CHEK2: variants seen among roughly 807,000 people sequenced by gnomAD.
CHEK2 encodes the protein serine/threonine-protein kinase Chk2.
In CHEK2, 71 loss-of-function variants were observed where a neutral mutation model predicts 69.1. The observed-to-expected ratio is 1.03, with a 90% CI of 0.85 to 1.25. The LOEUF (loss-of-function observed/expected upper bound fraction) is 1.25, where lower values mean the gene tolerates loss of function less well. Ranked by LOEUF, CHEK2 falls within the 50% of genes most tolerant of loss-of-function variation. The pLI is 0.00. For missense variants in CHEK2, 664 were observed against 649.6 expected (o/e 1.02, Z -0.24); for synonymous variants, 189 against 226.9 (o/e 0.83, Z 1.50).
chr22:28,715,349 C>G (rs977945205), intron 5 of CHEK2, among the ~76,000 whole-genome samples: 4 of 152,080 alleles, frequency 2.6e-5, no homozygotes, highest in African/African-American at 9.7e-5. Flanking sequence ...CTAATGACCT[C>G]CTAGATCCAG....
At chr22:28,692,603 G>A (rs911283864) in intron 13 of CHEK2, among the ~76,000 whole-genome samples, 2 of 152,170 alleles carry the variant, frequency 1.3e-5, no homozygotes, top group African/African-American at 4.8e-5. Flanking sequence ...AGTACGGGTC[G>A]GAGGCTGGAC....
At chr22:28,727,811 T>G (rs534911395) in intron 2 of CHEK2, among the ~76,000 whole-genome samples, 3 of 152,220 alleles carry the variant, frequency 2.0e-5, no homozygotes, top group Non-Finnish European at 2.9e-5. Context: ...TAAGATTTCA[T>G]GTTTTACCTA....
At chr22:28,738,878 G>GA in intron 1 of CHEK2, among the ~76,000 whole-genome samples, 1 of 152,222 alleles carries the variant, frequency 6.6e-6, no homozygotes, top group South Asian at 2.1e-4. Context: ...CACAGAATGG[G>GA]AAAAAACATT....
In CHEK2 at chr22:28,707,948, T is replaced by C. The variant is rs1285448155; in HGVS notation, c.846+2058A>G. Among the ~76,000 whole-genome samples the C allele has an allele frequency of 2.0e-5, 3 of 148,050 alleles. No homozygotes were observed. In the East Asian group the frequency reaches 6.4e-4, roughly 31 times the overall value. ...GCCTCCCGGGTTCACGCCATTCTCC[T>C]GCCTCAGCCTCTCCAGTAGCTGGGA... On this transcript the variant is annotated intron_variant, in intron 7 of 14. Transcript: ENST00000404276.
At chr22:28,713,986 A>G (rs940053310) in intron 5 of CHEK2, among the ~76,000 whole-genome samples, 2 of 152,194 alleles carry the variant, frequency 1.3e-5, no homozygotes, top group Non-Finnish European at 2.9e-5. Flanking sequence ...CAGCCTGGAC[A>G]CTTGTTTTTT....
At chr22:28,736,413 T>G (rs981865754) in intron 1 of CHEK2, among the ~76,000 whole-genome samples, 1 of 152,166 alleles carries the variant, frequency 6.6e-6, no homozygotes, top group Admixed American at 6.6e-5. Flanking sequence ...TCAATCTATA[T>G]TCCCTGACAC....
At chr22:28,729,260 G>A in intron 2 of CHEK2, 1 of 268,146 alleles carries the variant, frequency 3.7e-6, no homozygotes, top group Non-Finnish European at 7.5e-6. Flanking sequence ...ATTAACCCAG[G>A]ACGCCAGGCG....
At chr22:28,699,207 T>C (rs1214702395) in intron 9 of CHEK2, among the ~76,000 whole-genome samples, 3 of 152,094 alleles carry the variant, frequency 2.0e-5, no homozygotes, top group African/African-American at 7.2e-5. Context: ...CCCATTATAT[T>C]GCCCAGGCTG....
Position 28,734,414 on chromosome 22 carries a change from A to G in CHEK2, c.308T>C (p.Phe103Ser), listed in dbSNP as rs876658140. 6.2e-7 allele frequency: 1 copy of G among 1,614,012 alleles called. No homozygotes were observed. The highest frequency in any genetic ancestry group is 1.7e-5 in the Admixed American group (1 of 60,014). The stretch of plus-strand genomic sequence containing the variant: ...ACAAAGGGTCTTACCAAGATTGGCA[A>G]ATCCATCCTGAAGGGCCCATAATCG... ...WARLWALQDG[F>S]ANLECVNDNY... is the part of the protein sequence containing the mutation. Residue 103 changes from phenylalanine to serine, a missense_variant, in exon 2 of 15, where the codon TTT becomes TCT. Physicochemically the swap from Phe to Ser is radical, Grantham distance 155. Coordinates refer to ENST00000404276, the MANE Select transcript of CHEK2 (RefSeq NM_007194.4).
chr22:28,737,177 G>T, intron 1 of CHEK2: 1 of 392,672 alleles, frequency 2.5e-6, no homozygotes, highest in Non-Finnish European at 5.2e-6. Flanking sequence ...CTGAAACCTC[G>T]CATAGTACAG....
chr22:28,703,492 G>T lies in CHEK2; in HGVS notation c.908+13C>A. The T allele has an allele frequency of 1.5e-6, 2 of 1,295,264 alleles. No homozygotes were observed. The highest frequency in any genetic ancestry group is 1.2e-5 in the South Asian group (1 of 80,290). The allele number at this position is 1,295,264 out of a possible 1,614,324, so 80.2% of individuals were successfully genotyped here. The stretch of plus-strand genomic sequence containing the variant: ...GAATGGAAACAGAAATTTTTAAAAA[G>T]TTTACTACTTACAATTCCAAAACAA... On this transcript the variant is annotated intron_variant, in intron 8 of 14. Coordinates refer to ENST00000404276, the MANE Select transcript of CHEK2 (RefSeq NM_007194.4).
rs1188152357 is a variant in CHEK2, at chr22:28,697,597, T to TCTCA, written c.1009-614_1009-611dup. On this transcript the variant is annotated intron_variant, in intron 9 of 14. Coordinates refer to ENST00000404276, the MANE Select transcript of CHEK2 (RefSeq NM_007194.4). Reference sequence around the variant, plus strand: ...CTTTTTTTTTTTTCTTGAAACAAGGTCTCACTCTGTCCCCCAGGCTGAAGT... The same window carrying TCTCA: ...CTTTTTTTTTTTTCTTGAAACAAGGTCTCACTCACTCTGTCCCCCAGGCTGAAGT... 7.9e-5 allele frequency among the ~76,000 whole-genome samples: 12 copies of TCTCA among 151,408 alleles called. No individual in the cohort carries two copies. The East Asian group carries it at 2.3e-3, about 29-fold the overall frequency.
chr22:28,692,153 A>C (rs1223989764), intron 13 of CHEK2, among the ~76,000 whole-genome samples: 1 of 152,228 alleles, frequency 6.6e-6, no homozygotes, highest in Non-Finnish European at 1.5e-5. Flanking sequence ...CATAAATTTC[A>C]GGCAGATGCA....
rs1064793997 is a variant in CHEK2 at position 28,734,739 on chromosome 22, A to T, written c.-6-12T>A. The T allele has an allele frequency of 6.2e-7, 1 of 1,612,130 alleles. No individual in the cohort carries two copies. Among genetic ancestry groups the T allele is most frequent in the Non-Finnish European group, 8.5e-7 (1 of 1,179,116 alleles). On this transcript the variant is annotated splice_polypyrimidine_tract_variant and intron_variant, in intron 1 of 14. Transcript: ENST00000404276. ...CGAGACATCACGACCTCAAAAAGAA[A>T]GTGTCCAACAACAAAGGTGAGTTTC...
In CHEK2 at chr22:28,734,439, G is replaced by A. The variant is rs587781269; in HGVS notation, c.283C>T (p.Arg95Ter). Reference protein sequence around the residue: ...PEEPTPAPWARLWALQDGFAN... With the variant: ...PEEPTPAPWA ...AATCCATCCTGAAGGGCCCATAATC[G>A]AGCCCAGGGGGCAGGGGTAGGCTCC... Residue 95 changes from arginine to a stop codon, truncating the protein, a stop_gained, in exon 2 of 15, where the codon CGA (arginine) becomes TGA (stop). Transcript: ENST00000404276. LOFTEE classifies it high-confidence loss of function. 82 of 1,613,764 alleles carry A rather than the reference G, an allele frequency of 5.1e-5. No homozygotes were observed. Among genetic ancestry groups the A allele is most frequent in the Non-Finnish European group, 6.9e-5 (81 of 1,179,934 alleles).
At chr22:28,720,092 A>AT (rs66862903) in intron 4 of CHEK2, among the ~76,000 whole-genome samples, 39,525 of 134,388 alleles carry the variant, frequency 0.29, 6,272 homozygotes, top group Admixed American at 0.35. Flanking sequence ...AAAAAAAGTA[A>AT]TTTTTTTTTT....
In CHEK2 at chr22:28,699,724, A is replaced by G. The variant is rs1187459024; in HGVS notation, c.1008+114T>C. On this transcript the variant is annotated intron_variant, in intron 9 of 14. Transcript: ENST00000404276. ...ATTTTTGCCAAGAAGAGAACAGCAAACACACAGATTCTCTTCTGAGTTTTA... is the reference window on the plus strand; with the variant it reads ...ATTTTTGCCAAGAAGAGAACAGCAAGCACACAGATTCTCTTCTGAGTTTTA... 3.6e-6 allele frequency: 3 copies of G among 834,140 alleles called. No individual in the cohort carries two copies. The East Asian group carries it at 7.3e-5, about 20-fold the overall frequency. 51.7% of individuals were successfully genotyped at this position (834,140 alleles called of 1,614,324 possible).
At chr22:28,701,168 A>G (rs1324414611) in intron 8 of CHEK2, among the ~76,000 whole-genome samples, 11 of 152,188 alleles carry the variant, frequency 7.2e-5, no homozygotes. Context: ...CAGATCCACA[A>G]GGGGCTCCAG....
intron 13 of CHEK2, among the ~76,000 whole-genome samples, chr22:28,690,925 T>C (rs1478269619): frequency 1.3e-5 from 2 of 150,208 alleles, no homozygotes; most frequent in African/African-American, 4.9e-5. Context: ...CCAGGCACAG[T>C]GGCTCACGCC....
Sources: allele counts gnomAD v4.1 joint callset (sites outside exome capture counted in the v4.1 genomes callset), GRCh38; gene constraint gnomAD v4.1.1; transcripts MANE v1.5; gene names NCBI Gene and HGNC (gene_info 2026-07-23, HGNC 2026-07-21).